The following SPATA13 variants were observed in gnomAD, a reference collection of about 807,000 sequenced individuals.
SPATA13 encodes the protein spermatogenesis associated 13.
SPATA13 carries 50 observed loss-of-function variants against 104.0 expected under a neutral mutation model. The observed-to-expected ratio is 0.48, with a 90% CI of 0.38 to 0.61. The LOEUF (loss-of-function observed/expected upper bound fraction) is 0.61, where lower values mean the gene tolerates loss of function less well. SPATA13 is among the 20% of genes least tolerant of loss of function. The pLI, the probability that SPATA13 is intolerant of heterozygous loss-of-function variation, is 0.00. For missense variants in SPATA13, 1,524 were observed against 1,690.6 expected, an observed-to-expected ratio of 0.90 and a Z score of 1.73; for synonymous variants, 606 against 667.5, an observed-to-expected ratio of 0.91 and a Z score of 1.42.
rs73162170 is a variant in SPATA13, at chr13:24,031,356, A to G, written c.-112+13655A>G. ...GATTTGATCTGACTCTAGCACACCA[A>G]TTCATGCTAGCACATCTCCTAAGCC... On this transcript the variant is annotated intron_variant, in intron 3 of 14. Coordinates refer to the SPATA13 transcript ENST00000424834. Among the ~76,000 whole-genome samples, 9 of 152,330 alleles carry G rather than the reference A, an allele frequency of 5.9e-5. No homozygotes were observed. The East Asian group carries it at 1.3e-3, about 23-fold the overall frequency.
At chr13:24,038,696 A>G (rs1877806806) in intron 3 of SPATA13, among the ~76,000 whole-genome samples, 1 of 152,194 alleles carries the variant, frequency 6.6e-6, no homozygotes, top group Non-Finnish European at 1.5e-5. Context: ...CCTCGCATCC[A>G]AACAACTCTA....
At chr13:24,274,234 C>T (rs553692229) in intron 4 of SPATA13, among the ~76,000 whole-genome samples, 1 of 152,194 alleles carries the variant, frequency 6.6e-6, no homozygotes, top group Admixed American at 6.5e-5. Context: ...CCTAGAACAA[C>T]CTGAGCATGT....
intron 2 of SPATA13, among the ~76,000 whole-genome samples, chr13:24,232,206 A>G (rs1187231514): frequency 6.6e-6 from 1 of 152,188 alleles, no homozygotes; most frequent in African/African-American, 2.4e-5. Context: ...TGCTGGTGTA[A>G]GTCATGGAGT....
At position 24,144,156 on chromosome 13, in the gene SPATA13, T is replaced by C. The variant is rs1881854619; in HGVS notation, c.-111-78663T>C. ...TGATCCCACTTCTCAGAGCAGAAAC[T>C]CAGTTCCCAAAGATGCTAAGCCCCT... On this transcript the variant is annotated intron_variant, in intron 3 of 14. Coordinates refer to the SPATA13 transcript ENST00000424834. Among the ~76,000 whole-genome samples, 3 of 152,228 alleles carry C rather than the reference T, an allele frequency of 2.0e-5. No individual in the cohort carries two copies. In the South Asian group the frequency reaches 6.2e-4, roughly 32 times the overall value.
At chr13:23,988,934 A>G (rs1875280464) in intron 2 of SPATA13, among the ~76,000 whole-genome samples, 1 of 152,090 alleles carries the variant, frequency 6.6e-6, no homozygotes, top group East Asian at 1.9e-4. Context: ...CTCCTATGAA[A>G]CAGGAGCTTT....
At chr13:24,030,353 C>A (rs1877424798) in intron 3 of SPATA13, among the ~76,000 whole-genome samples, 1 of 152,130 alleles carries the variant, frequency 6.6e-6, no homozygotes, top group African/African-American at 2.4e-5. Flanking sequence ...AAACTGAAAA[C>A]CCTACCCATA....
chr13:24,223,305 C>A lies in SPATA13; in HGVS notation c.376C>A (p.Gln126Lys), dbSNP rs552218911. Reference protein sequence around the residue: ...KLKSSVLKGIQSREGSNACSK... With the variant: ...KLKSSVLKGIKSREGSNACSK... Reference sequence around the variant, plus strand: ...GAAGTCCTCAGTCCTGAAAGGAATTCAGAGCCGAGAGGGGTCAAATGCCTG... The same window carrying A: ...GAAGTCCTCAGTCCTGAAAGGAATTAAGAGCCGAGAGGGGTCAAATGCCTG... Residue 126 changes from glutamine to lysine, a missense_variant, in exon 2 of 13, where the codon CAG becomes AAG. Coordinates refer to ENST00000382108, the MANE Select transcript of SPATA13 (RefSeq NM_001166271.3). The A allele has an allele frequency of 1.3e-6, 2 of 1,551,600 alleles. No homozygotes were observed. The highest frequency in any genetic ancestry group is 2.7e-5 in the African/African-American group (2 of 73,184).
chr13:23,987,750 A>T (rs535834973), intron 2 of SPATA13, among the ~76,000 whole-genome samples: 1 of 152,164 alleles, frequency 6.6e-6, no homozygotes, highest in East Asian at 1.9e-4. Context: ...TTTATTTTAC[A>T]CAATTGGAAT....
intron 2 of SPATA13, among the ~76,000 whole-genome samples, chr13:24,245,517 G>A (rs1873073095): frequency 6.7e-6 from 1 of 150,342 alleles, no homozygotes. Flanking sequence ...CTTTTAGAGG[G>A]AATGTTTTCT....
intron 3 of SPATA13, among the ~76,000 whole-genome samples, chr13:24,019,730 T>G (rs1876889547): frequency 6.6e-6 from 1 of 152,216 alleles, no homozygotes; most frequent in South Asian, 2.1e-4. Context: ...AAATGACATT[T>G]TGAAATACTC....
At chr13:24,047,512 C>T (rs1878193260) in intron 3 of SPATA13, among the ~76,000 whole-genome samples, 1 of 152,172 alleles carries the variant, frequency 6.6e-6, no homozygotes, top group African/African-American at 2.4e-5. Flanking sequence ...AGGCAATTAG[C>T]TTGTGAGAAT....
chr13:24,036,840 A>G (rs180755305), intron 3 of SPATA13, among the ~76,000 whole-genome samples: 6 of 152,150 alleles, frequency 3.9e-5, no homozygotes, highest in African/African-American at 1.4e-4. Context: ...AGATGGCACA[A>G]TCTCGGCTCA....
chr13:24,226,893 T>A (rs1298228713), intron 2 of SPATA13, among the ~76,000 whole-genome samples: 1 of 152,218 alleles, frequency 6.6e-6, no homozygotes, highest in Non-Finnish European at 1.5e-5. Flanking sequence ...AGTCTCAAGG[T>A]CCCCTGGGCA....
At chr13:23,980,184 CA>C (rs949332397) in intron 1 of SPATA13, among the ~76,000 whole-genome samples, 16 of 147,402 alleles carry the variant, frequency 1.1e-4, no homozygotes, top group Admixed American at 1.3e-4. Context: ...GACTCCGTCT[CA>C]AAAAAAAAAG....
At chr13:24,265,357 T>C (rs1306847449) in intron 4 of SPATA13, among the ~76,000 whole-genome samples, 1 of 152,232 alleles carries the variant, frequency 6.6e-6, no homozygotes, top group Non-Finnish European at 1.5e-5. Context: ...GTAGCATCAC[T>C]GTGACCTGTA....
At chr13:23,997,849 CCCT>C (rs1167654177) in intron 2 of SPATA13, among the ~76,000 whole-genome samples, 1 of 152,098 alleles carries the variant, frequency 6.6e-6, no homozygotes, top group Admixed American at 6.5e-5. Flanking sequence ...GAGGGATCCA[CCCT>C]CATGAGCCAA....
At chr13:24,046,014 T>A (rs967175229) in intron 3 of SPATA13, among the ~76,000 whole-genome samples, 2 of 152,234 alleles carry the variant, frequency 1.3e-5, no homozygotes, top group Non-Finnish European at 2.9e-5. Flanking sequence ...TGAATTCTAC[T>A]ACCTTGTAAA....
chr13:23,983,821 A>T (rs924224745), exon 2 of SPATA13: 1 of 937,464 alleles, frequency 1.1e-6, no homozygotes, highest in African/African-American at 1.8e-5. Flanking sequence ...TGAGCTGCAG[A>T]GTGATGGGAG....
At chr13:24,152,587 C>G (rs1882128285) in intron 3 of SPATA13, among the ~76,000 whole-genome samples, 1 of 152,236 alleles carries the variant, frequency 6.6e-6, no homozygotes, top group Admixed American at 6.5e-5. Context: ...TCCAGCCCCA[C>G]AGCTCCCACA....
Sources: gnomAD v4.1 joint callset for allele counts (sites outside exome capture counted in the v4.1 genomes callset) on GRCh38, gnomAD v4.1.1 for gene constraint, MANE v1.5 for transcripts, NCBI Gene and HGNC (gene_info 2026-07-23, HGNC 2026-07-21) for gene names.